The following GLIS3 variants were observed in gnomAD, a reference collection of about 807,000 sequenced individuals.
GLIS3 encodes the protein zinc finger protein GLIS3.
Under a neutral mutation model 78.6 loss-of-function variants are expected in GLIS3, and 53 were observed. The ratio of observed to expected loss-of-function variants is 0.67; its 90% CI spans 0.54 to 0.85. The LOEUF (loss-of-function observed/expected upper bound fraction) is 0.85, where lower values mean the gene tolerates loss of function less well. Among genes scored for constraint, GLIS3 ranks in the 40% least tolerant of loss-of-function variants. The probability of loss-of-function intolerance (pLI) is 0.00; values close to 1 mark genes in which losing one functional copy is unlikely to be tolerated. For synonymous variants in GLIS3, 684 were observed against 509.9 expected (o/e 1.34, Z -4.60); for missense variants, 1,703 against 1,231.1 (o/e 1.38, Z -5.74).
chr9:4,370,370 C>G, the GLIS3 span, among the ~76,000 whole-genome samples: 1 of 152,082 alleles, frequency 6.6e-6, no homozygotes, highest in African/African-American at 2.4e-5. Context: ...TCCCTGAGAG[C>G]CATGGGGTGT....
At chr9:4,349,489 A>G (rs1817935816), upstream of GLIS3, among the ~76,000 whole-genome samples, 1 of 152,230 alleles carries the variant, frequency 6.6e-6, no homozygotes, top group Admixed American at 6.5e-5. Flanking sequence ...ATTGATGAGT[A>G]GAAAAAGAGA....
intron 2 of GLIS3, among the ~76,000 whole-genome samples, chr9:4,210,141 C>G (rs559543258): frequency 6.6e-6 from 1 of 152,126 alleles, no homozygotes; most frequent in African/African-American, 2.4e-5. Context: ...CAATACATAC[C>G]TTAGTTAATT....
chr9:4,470,655 T>C, the GLIS3 span, among the ~76,000 whole-genome samples: 3 of 152,024 alleles, frequency 2.0e-5, no homozygotes, highest in Admixed American at 6.6e-5. Flanking sequence ...TCATACTGAA[T>C]GGGCAAAAAC....
intron 4 of GLIS3, among the ~76,000 whole-genome samples, chr9:4,022,861 A>G (rs1384769981): frequency 1.3e-5 from 2 of 152,216 alleles, no homozygotes; most frequent in African/African-American, 4.8e-5. Context: ...TAGAAAATGC[A>G]AACTAATCTA....
At chr9:4,307,803 G>A (rs933641359) in intron 4 of GLIS3, among the ~76,000 whole-genome samples, 6 of 152,138 alleles carry the variant, frequency 3.9e-5, no homozygotes, top group African/African-American at 1.2e-4. Flanking sequence ...TCTAGAAGCT[G>A]GAAAAGCAAT....
At chr9:4,242,540 A>T (rs1214917334) in intron 2 of GLIS3, among the ~76,000 whole-genome samples, 1 of 152,060 alleles carries the variant, frequency 6.6e-6, no homozygotes, top group Non-Finnish European at 1.5e-5. Context: ...CTATGGAACC[A>T]CCCTGGCTGA....
chr9:4,327,499 G>C (rs143528298), intron 2 of GLIS3, among the ~76,000 whole-genome samples: 6 of 152,308 alleles, frequency 3.9e-5, no homozygotes, highest in African/African-American at 1.2e-4. Context: ...GAGGAGACCA[G>C]ACAGATTCAA....
At chr9:3,910,123 A>C (rs1824034183) in intron 6 of GLIS3, among the ~76,000 whole-genome samples, 1 of 152,106 alleles carries the variant, frequency 6.6e-6, no homozygotes, top group South Asian at 2.1e-4. Context: ...GTTGAACTAT[A>C]ATCTGCCAAC....
At chr9:3,855,920 A>G in intron 9 of GLIS3, 89 bp downstream of exon 9, 1 of 1,385,732 alleles carries the variant, frequency 7.2e-7, no homozygotes, top group Non-Finnish European at 1.0e-6. Context: ...AGAACAGAGC[A>G]TCTGAAATCC....
chr9:4,327,266 G>A (rs1006810919), intron 2 of GLIS3, among the ~76,000 whole-genome samples: 2 of 152,162 alleles, frequency 1.3e-5, no homozygotes, highest in Non-Finnish European at 2.9e-5. Context: ...GAGGGAGGTG[G>A]GCATGGCCAG....
At chr9:3,874,458 C>G (rs1475226721) in intron 8 of GLIS3, among the ~76,000 whole-genome samples, 2 of 152,148 alleles carry the variant, frequency 1.3e-5, no homozygotes, top group Non-Finnish European at 2.9e-5. Flanking sequence ...ATGTGTTTCC[C>G]TGAGTTCTGT....
chr9:4,104,778 C>A (rs1472727554), intron 4 of GLIS3, among the ~76,000 whole-genome samples: 1 of 152,188 alleles, frequency 6.6e-6, no homozygotes, highest in African/African-American at 2.4e-5. Context: ...TTTCCTCCCC[C>A]AGGTATCTGC....
chr9:3,900,286 G>A (rs570396695), intron 6 of GLIS3, among the ~76,000 whole-genome samples: 1 of 151,626 alleles, frequency 6.6e-6, no homozygotes, highest in Non-Finnish European at 1.5e-5. Context: ...TTTACTTGCT[G>A]AATTATCAAA....
chr9:4,384,404 T>C, the GLIS3 span, among the ~76,000 whole-genome samples: 1 of 152,146 alleles, frequency 6.6e-6, no homozygotes, highest in Non-Finnish European at 1.5e-5. Context: ...AAGTTGTCAA[T>C]ATCAGCTTTG....
At chr9:4,320,136 T>C (rs1817502369) in intron 2 of GLIS3, among the ~76,000 whole-genome samples, 1 of 152,176 alleles carries the variant, frequency 6.6e-6, no homozygotes, top group Admixed American at 6.5e-5. Context: ...AATGGGCGTA[T>C]CTGAGTCACA....
intron 4 of GLIS3, among the ~76,000 whole-genome samples, chr9:4,059,825 T>TGAGAGAGAGA (rs1469909194): frequency 4.1e-4 from 49 of 120,328 alleles, no homozygotes; most frequent in African/African-American, 1.5e-3. Flanking sequence ...TGTGTGTGTG[T>TGAGAGAGAGA]GTGTGAGAGA....
chr9:3,867,297 A>T (rs1380415820), intron 8 of GLIS3, among the ~76,000 whole-genome samples: 3 of 152,178 alleles, frequency 2.0e-5, no homozygotes, highest in Non-Finnish European at 4.4e-5. Context: ...CAATCACTAG[A>T]CTGGTAAAAA....
the GLIS3 span, among the ~76,000 whole-genome samples, chr9:4,441,073 G>A: frequency 6.6e-6 from 1 of 151,976 alleles, no homozygotes; most frequent in Non-Finnish European, 1.5e-5. Context: ...AGGGTTTTCT[G>A]TATGTAAGAT....
At chr9:4,169,101 A>C (rs1158251506) in intron 2 of GLIS3, among the ~76,000 whole-genome samples, 2 of 152,234 alleles carry the variant, frequency 1.3e-5, no homozygotes, top group African/African-American at 4.8e-5. Context: ...ACATTTTAGG[A>C]GTCTCCAAAC....
Sources: allele counts gnomAD v4.1 joint callset (sites outside exome capture counted in the v4.1 genomes callset), GRCh38; gene constraint gnomAD v4.1.1; transcripts MANE v1.5; gene names NCBI Gene and HGNC (gene_info 2026-07-23, HGNC 2026-07-21).